Variants in MOXD1 observed in about 807,000 individuals in gnomAD.
The protein encoded by MOXD1 is monooxygenase DBH like 1.
In MOXD1, 62 loss-of-function variants were observed where a neutral mutation model predicts 66.6. The observed-to-expected ratio is 0.93, with a 90% confidence interval of 0.76 to 1.15. MOXD1 has a LOEUF of 1.15. MOXD1 is among the 50% of genes most tolerant of loss of function. MOXD1 has a pLI of 0.00. For missense variants in MOXD1, 847 were observed against 754.6 expected, an observed-to-expected ratio of 1.12 and a Z score of -1.44; for synonymous variants, 303 against 281.9, an observed-to-expected ratio of 1.07 and a Z score of -0.75.
At chr6:132,398,356 AAGTC>A (rs1340010675) in intron 1 of MOXD1, among the ~76,000 whole-genome samples, 1 of 152,208 alleles carries the variant, frequency 6.6e-6, no homozygotes, top group Non-Finnish European at 1.5e-5. Flanking sequence ...AGGAAAATAA[AAGTC>A]AGAAAAATTT....
chr6:132,393,257 T>C (rs545678860), intron 1 of MOXD1, among the ~76,000 whole-genome samples: 36 of 152,282 alleles, frequency 2.4e-4, no homozygotes, highest in African/African-American at 8.7e-4. Context: ...AGGATGCATG[T>C]AGACAGGAAG....
intron 4 of MOXD1, among the ~76,000 whole-genome samples, chr6:132,358,843 T>A (rs1349968312): frequency 6.6e-6 from 1 of 152,190 alleles, no homozygotes; most frequent in African/African-American, 2.4e-5. Flanking sequence ...AGCAGTATTT[T>A]TTCAAAGCTT....
At chr6:132,399,622 A>G (rs1490968001) in intron 1 of MOXD1, among the ~76,000 whole-genome samples, 1 of 152,214 alleles carries the variant, frequency 6.6e-6, no homozygotes, top group Non-Finnish European at 1.5e-5. Flanking sequence ...CTTTCTAGAA[A>G]TGCTACTCTT....
At chr6:132,362,940 C>G (rs1776043927) in intron 4 of MOXD1, among the ~76,000 whole-genome samples, 2 of 152,170 alleles carry the variant, frequency 1.3e-5, no homozygotes, top group Non-Finnish European at 2.9e-5. Flanking sequence ...ACAAATGAAA[C>G]TTCGTATGTG....
intron 4 of MOXD1, among the ~76,000 whole-genome samples, chr6:132,350,260 C>A (rs1425516124): frequency 6.6e-6 from 1 of 152,184 alleles, no homozygotes; most frequent in Non-Finnish European, 1.5e-5. Flanking sequence ...AGCTTCAGGT[C>A]TTAGATTTAA....
rs775066267 is a variant in MOXD1 at position 132,401,351 on chromosome 6, G to A, written c.76C>T (p.Pro26Ser). The A allele has an allele frequency of 3.2e-6, 5 of 1,569,882 alleles. No homozygotes were observed. The South Asian group carries it at 3.5e-5, about 11-fold the overall frequency. ...TCCGAGTCCAGGAGGGTCCGGTGCG[G>A]ATAGGTTCGGCCCGAGCCCCCCGCC... The part of the protein sequence containing the change: ...TAAGGSGRTY[P>S]HRTLLDSEGK... Residue 26 changes from proline to serine, a missense_variant, in exon 1 of 12, where the codon CCG becomes TCG. Physicochemically the swap from Pro to Ser is moderately conservative, Grantham distance 74. Coordinates refer to ENST00000367963, the MANE Select transcript of MOXD1 (RefSeq NM_015529.4).
At chr6:132,316,978 G>C (rs1321189716) in intron 9 of MOXD1, among the ~76,000 whole-genome samples, 1 of 151,884 alleles carries the variant, frequency 6.6e-6, no homozygotes. Flanking sequence ...GCCATACCTA[G>C]ACACATCACA....
At chr6:132,299,889 CCT>C (rs3038133) in intron 10 of MOXD1, among the ~76,000 whole-genome samples, 333 of 145,656 alleles carry the variant, frequency 2.3e-3, no homozygotes, top group Middle Eastern at 6.9e-3. Context: ...TTTCTCTCTC[CCT>C]CTCTCTCTCT....
At chr6:132,324,677 G>A (rs1216793295) in intron 6 of MOXD1, among the ~76,000 whole-genome samples, 1 of 152,188 alleles carries the variant, frequency 6.6e-6, no homozygotes, top group Non-Finnish European at 1.5e-5. Flanking sequence ...ATTAGGCATT[G>A]TGGGGATGAG....
chr6:132,329,264 C>T (rs1015266812), intron 4 of MOXD1, among the ~76,000 whole-genome samples: 3 of 152,134 alleles, frequency 2.0e-5, no homozygotes, highest in African/African-American at 7.2e-5. Context: ...TGGTTTCCAG[C>T]TTCATCCATG....
At chr6:132,361,043 G>A (rs1398789933) in intron 4 of MOXD1, among the ~76,000 whole-genome samples, 1 of 152,078 alleles carries the variant, frequency 6.6e-6, no homozygotes, top group African/African-American at 2.4e-5. Flanking sequence ...TCCACACAGA[G>A]CAATTCAGTG....
At position 132,320,680 on chromosome 6, in the gene MOXD1, G is replaced by A; in HGVS notation, c.1314C>T (p.Asn438=). ...TGTTGTAGCGACACTCAGTAATTAG[G>A]TTATCTCCCTGAAACATAAAAGCAA... ...KEEQTILPGD[N]LITECRYNTK... is the part of the protein sequence containing the mutation. The change falls in exon 9 of 12, where the codon AAC becomes AAT. Residue 438 remains asparagine, a synonymous_variant. Coordinates refer to ENST00000367963, the MANE Select transcript of MOXD1 (RefSeq NM_015529.4). The A allele has an allele frequency of 1.2e-6, 2 of 1,611,060 alleles. No homozygotes were observed. Among genetic ancestry groups the A allele is most frequent in the Non-Finnish European group, 8.5e-7 (1 of 1,178,662 alleles).
intron 10 of MOXD1, among the ~76,000 whole-genome samples, chr6:132,300,137 T>C (rs892796788): frequency 6.6e-6 from 1 of 152,044 alleles, no homozygotes; most frequent in Non-Finnish European, 1.5e-5. Context: ...CTTTGTTGAG[T>C]TTTAAATGCA....
chr6:132,303,714 C>CACAA (rs1420892271), intron 10 of MOXD1, among the ~76,000 whole-genome samples: 1 of 143,096 alleles, frequency 7.0e-6, no homozygotes, highest in Admixed American at 6.9e-5. Context: ...TACATACACA[C>CACAA]ACACACACAC....
intron 1 of MOXD1, among the ~76,000 whole-genome samples, chr6:132,380,064 T>C (rs1776478691): frequency 6.6e-6 from 1 of 152,212 alleles, no homozygotes. Context: ...TAGTTTTCTT[T>C]AACTTCTTTC....
At chr6:132,392,622 C>A (rs1163639511) in intron 1 of MOXD1, among the ~76,000 whole-genome samples, 1 of 152,166 alleles carries the variant, frequency 6.6e-6, no homozygotes, top group Admixed American at 6.5e-5. Flanking sequence ...AAAGCCAGTG[C>A]AAAAGGAGAT....
intron 10 of MOXD1, among the ~76,000 whole-genome samples, chr6:132,313,650 A>G (rs1562279094): frequency 1.3e-5 from 2 of 152,196 alleles, no homozygotes; most frequent in Non-Finnish European, 1.5e-5. Flanking sequence ...ATGGTGGTTC[A>G]TGCCTGTAAT....
chr6:132,401,071 C>T (rs375584349), intron 1 of MOXD1, 92 bp downstream of exon 1: 2 of 1,347,504 alleles, frequency 1.5e-6, no homozygotes, highest in South Asian at 1.6e-5. Flanking sequence ...GAGAGAGCTG[C>T]GGGCCCCGGG....
At chr6:132,359,110 C>T (rs1775962835) in intron 4 of MOXD1, among the ~76,000 whole-genome samples, 1 of 150,642 alleles carries the variant, frequency 6.6e-6, no homozygotes. Context: ...TAGGAACTGC[C>T]TGCAGCTTTC....
Sources: allele counts gnomAD v4.1 joint callset (sites outside exome capture counted in the v4.1 genomes callset), GRCh38; gene constraint gnomAD v4.1.1; transcripts MANE v1.5; gene names NCBI Gene and HGNC (gene_info 2026-07-23, HGNC 2026-07-21).